Variants in TDRP observed in about 807,000 individuals in gnomAD.
TDRP encodes testis development-related protein.
In TDRP, 12 loss-of-function variants were observed where a neutral mutation model predicts 10.5. The ratio of observed to expected loss-of-function variants is 1.15; its 90% CI spans 0.73 to 1.86. The LOEUF is 1.86. TDRP is among the 40% of genes most tolerant of loss of function. The pLI, the probability that TDRP is intolerant of heterozygous loss-of-function variation, is 0.00. For synonymous variants in TDRP, 139 were observed against 95.4 expected (o/e 1.46, Z -2.67); for missense variants, 353 against 229.2 (o/e 1.54, Z -3.49).
intron 1 of TDRP, among the ~76,000 whole-genome samples, chr8:513,292 A>G (rs933832705): frequency 1.3e-5 from 2 of 152,132 alleles, no homozygotes; most frequent in Non-Finnish European, 2.9e-5. Context: ...ATCCAAAAAC[A>G]TTAAAAAATG....
At chr8:501,738 G>A (rs1801307906) in intron 1 of TDRP, among the ~76,000 whole-genome samples, 1 of 152,212 alleles carries the variant, frequency 6.6e-6, no homozygotes, top group African/African-American at 2.4e-5. Context: ...TTTCTCATCA[G>A]GAACACTGCA....
intron 1 of TDRP, among the ~76,000 whole-genome samples, chr8:511,492 G>A (rs1376218121): frequency 6.6e-6 from 1 of 152,072 alleles, no homozygotes; most frequent in African/African-American, 2.4e-5. Context: ...CAGACATAAA[G>A]GGAGAACTAG....
In TDRP at chr8:492,113, G is replaced by T. The variant is rs1193335899; in HGVS notation, c.*286C>A. The T allele has an allele frequency of 8.2e-7, 1 of 1,222,836 alleles. No homozygotes were observed. Among genetic ancestry groups the T allele is most frequent in the African/African-American group, 1.6e-5 (1 of 64,232 alleles). The allele number at this position is 1,222,836 out of a possible 1,614,324, so 75.7% of individuals were successfully genotyped here. ...TGAGAAACTGCAAATCATTACTGCT[G>T]TATTATGGGAGAGCATCATAAATTC... is the stretch of plus-strand genomic sequence containing the variant. On this transcript the variant is annotated 3_prime_UTR_variant, in exon 3 of 3. Transcript: ENST00000324079.
intron 1 of TDRP, among the ~76,000 whole-genome samples, chr8:506,025 C>A (rs946735060): frequency 1.1e-4 from 17 of 152,106 alleles, no homozygotes; most frequent in African/African-American, 3.6e-4. Flanking sequence ...GGCTGGGGGT[C>A]TGGGTGTCCT....
rs373105589 is a variant in TDRP at position 494,547 on chromosome 8, G to C, written c.159C>G (p.Asn53Lys). 6.2e-7 allele frequency: 1 copy of C among 1,613,904 alleles called. No homozygotes were observed. The highest frequency in any genetic ancestry group is 8.5e-7 in the Non-Finnish European group (1 of 1,179,872). Residue 53 changes from asparagine to lysine, a missense_variant, in exon 2 of 3, where the codon AAC (asparagine) becomes AAG (lysine). Transcript: ENST00000324079. Reference sequence around the variant, plus strand: ...CCAGGAGATGCTGCTCATCATCTTTGTTAAACAGTGAAGTCACTTCTTTCC... The same window carrying C: ...CCAGGAGATGCTGCTCATCATCTTTCTTAAACAGTGAAGTCACTTCTTTCC... ...RGWKEVTSLF[N>K]KDDEQHLLER...
chr8:514,720 G>A (rs1801709731), intron 1 of TDRP, among the ~76,000 whole-genome samples: 1 of 152,030 alleles, frequency 6.6e-6, no homozygotes, highest in African/African-American at 2.4e-5. Context: ...CCTTTCCCTG[G>A]GACACTGGGA....
chr8:518,110 T>C (rs1801804741), intron 1 of TDRP, among the ~76,000 whole-genome samples: 1 of 152,204 alleles, frequency 6.6e-6, no homozygotes, highest in Admixed American at 6.5e-5. Context: ...ATGTCAACTA[T>C]GGACTTTGGC....
Position 490,381 on chromosome 8 carries a change from C to T in TDRP, c.*2018G>A, listed in dbSNP as rs1260334602. Reference sequence around the variant, plus strand: ...ATAGCATAAAGAACTATTTTGCCAACTGTGCGTCACAATTCTATGATTGAC... The same window carrying T: ...ATAGCATAAAGAACTATTTTGCCAATTGTGCGTCACAATTCTATGATTGAC... On this transcript the variant is annotated 3_prime_UTR_variant, in exon 3 of 3. Transcript: ENST00000324079. The T allele has an allele frequency of 6.6e-6, 1 of 152,228 alleles. No individual in the cohort carries two copies. Among genetic ancestry groups the T allele is most frequent in the Non-Finnish European group, 1.5e-5 (1 of 68,044 alleles). 9.4% of individuals were successfully genotyped at this position (152,228 alleles called of 1,614,324 possible). A position where few individuals can be genotyped will look rare whatever the true frequency, so the allele number is the denominator to read the frequency against.
chr8:541,686 G>C (rs564209408), intron 1 of TDRP, among the ~76,000 whole-genome samples: 51 of 152,240 alleles, frequency 3.3e-4, no homozygotes, highest in African/African-American at 1.1e-3. Flanking sequence ...TCAGGGAATC[G>C]CAATTCAAGA....
At chr8:503,492 G>A (rs181638712) in intron 1 of TDRP, among the ~76,000 whole-genome samples, 37 of 106,660 alleles carry the variant, frequency 3.5e-4, no homozygotes, top group African/African-American at 1.2e-3. Context: ...ATCGGAACAC[G>A]TGCCCACCTC....
At chr8:509,183 G>T (rs1801545222) in intron 1 of TDRP, among the ~76,000 whole-genome samples, 1 of 152,178 alleles carries the variant, frequency 6.6e-6, no homozygotes, top group African/African-American at 2.4e-5. Flanking sequence ...AGCTTTTCCA[G>T]GCATATGGTG....
At chr8:529,007 A>G (rs1802111809) in intron 1 of TDRP, among the ~76,000 whole-genome samples, 1 of 152,212 alleles carries the variant, frequency 6.6e-6, no homozygotes, top group African/African-American at 2.4e-5. Flanking sequence ...GGAAGCATCC[A>G]GCACAGGAGA....
intron 1 of TDRP, among the ~76,000 whole-genome samples, chr8:504,551 G>A (rs999124076): frequency 4.6e-5 from 7 of 152,170 alleles, no homozygotes; most frequent in Admixed American, 3.3e-4. Context: ...CAGACTCTGG[G>A]CTCTGCCACA....
chr8:525,493 ACTT>A (rs566681173), intron 1 of TDRP, among the ~76,000 whole-genome samples: 91 of 152,330 alleles, frequency 6.0e-4, no homozygotes, highest in African/African-American at 1.8e-3. Context: ...ATTAAAAATA[ACTT>A]CTTAAGATGT....
chr8:526,335 GA>G (rs1296774406), intron 1 of TDRP, among the ~76,000 whole-genome samples: 9 of 152,158 alleles, frequency 5.9e-5, no homozygotes, highest in African/African-American at 2.2e-4. Context: ...TTGTCAGTAT[GA>G]TACTAGCTAT....
intron 1 of TDRP, among the ~76,000 whole-genome samples, chr8:535,648 C>T (rs1201877767): frequency 6.6e-6 from 1 of 152,092 alleles, no homozygotes; most frequent in Admixed American, 6.5e-5. Context: ...GCCCATTCCT[C>T]CCAACAGGTG....
chr8:529,150 G>C (rs1013837215), intron 1 of TDRP, among the ~76,000 whole-genome samples: 1 of 152,152 alleles, frequency 6.6e-6, no homozygotes, highest in African/African-American at 2.4e-5. Context: ...CCCAGTCCAA[G>C]GATTCAAATG....
intron 1 of TDRP, among the ~76,000 whole-genome samples, chr8:521,573 T>C (rs1009409293): frequency 6.6e-6 from 1 of 152,222 alleles, no homozygotes; most frequent in South Asian, 2.1e-4. Context: ...TTCTCTCTAC[T>C]CTGTTCCATT....
rs948965343 is a variant in TDRP, at chr8:492,639, A to T, written c.318T>A (p.Ile106=). 1 of 1,613,988 alleles carries T rather than the reference A, an allele frequency of 6.2e-7. No individual in the cohort carries two copies. Among genetic ancestry groups the T allele is most frequent in the African/African-American group, 1.3e-5 (1 of 75,038 alleles). The change falls in exon 3 of 3, where the codon ATT becomes ATA. Residue 106 remains isoleucine, a synonymous_variant. Coordinates refer to ENST00000324079, the MANE Select transcript of TDRP (RefSeq NM_001384899.1). ...QNIQSKKPDE[I]EGWEPPKLAL... ...CAAGTTTTGGAGGCTCCCAACCTTCAATTTCATCTGGTTTTTTAGACTGTA... is the reference window on the plus strand; with the variant it reads ...CAAGTTTTGGAGGCTCCCAACCTTCTATTTCATCTGGTTTTTTAGACTGTA...
Sources: gnomAD v4.1 joint callset for allele counts (sites outside exome capture counted in the v4.1 genomes callset) on GRCh38, gnomAD v4.1.1 for gene constraint, MANE v1.5 for transcripts, NCBI Gene and HGNC (gene_info 2026-07-23, HGNC 2026-07-21) for gene names.